SMAD9: variants seen among roughly 807,000 people sequenced by gnomAD.
SMAD9 encodes the protein MAD homolog 9.
A neutral mutation model predicts 46.1 loss-of-function variants in SMAD9; 36 were observed. The observed-to-expected ratio is 0.78, with a 90% CI of 0.60 to 1.03. The LOEUF is 1.03. SMAD9 is among the 50% of genes least tolerant of loss of function. The pLI is 0.00. For synonymous variants in SMAD9, 245 were observed against 237.1 expected (o/e 1.03, Z -0.31); for missense variants, 572 against 599.8 (o/e 0.95, Z 0.48).
chr13:36,904,487 C>T (rs1223336141), intron 1 of SMAD9, among the ~76,000 whole-genome samples: 5 of 152,212 alleles, frequency 3.3e-5, no homozygotes, highest in Admixed American at 1.3e-4. Context: ...CCCTGGACGG[C>T]AGTGACAGTC....
chr13:36,916,200 T>TG (rs2058697489), intron 1 of SMAD9, among the ~76,000 whole-genome samples: 1 of 152,042 alleles, frequency 6.6e-6, no homozygotes, highest in Non-Finnish European at 1.5e-5. Flanking sequence ...GCGGCTATGG[T>TG]GGGGGGAGGA....
chr13:36,879,752 G>T lies in SMAD9; in HGVS notation c.-63C>A. 1.3e-6 allele frequency: 2 copies of T among 1,589,394 alleles called. No individual in the cohort carries two copies. The highest frequency in any genetic ancestry group is 1.1e-5 in the South Asian group (1 of 90,352). On this transcript the variant is annotated 5_prime_UTR_variant, in exon 2 of 7. Coordinates refer to ENST00000379826, the MANE Select transcript of SMAD9 (RefSeq NM_001127217.3). Reference sequence around the variant, plus strand: ...CACAGCCCTTCACGGCAAAGTGGGCGGCGAGTAGCTCTCCAGGGGTGGCAT... The same window carrying T: ...CACAGCCCTTCACGGCAAAGTGGGCTGCGAGTAGCTCTCCAGGGGTGGCAT...
intron 1 of SMAD9, among the ~76,000 whole-genome samples, chr13:36,901,679 C>T (rs889352049): frequency 1.3e-5 from 2 of 152,168 alleles, no homozygotes; most frequent in African/African-American, 2.4e-5. Flanking sequence ...CTCCCTGCCT[C>T]GGCCTCCCAA....
At chr13:36,913,622 TGTC>T (rs1279986352) in intron 1 of SMAD9, among the ~76,000 whole-genome samples, 1 of 152,186 alleles carries the variant, frequency 6.6e-6, no homozygotes, top group Non-Finnish European at 1.5e-5. Flanking sequence ...AATACCAACT[TGTC>T]ATTATTTGCA....
intron 5 of SMAD9, among the ~76,000 whole-genome samples, chr13:36,857,391 C>T (rs892484105): frequency 1.3e-5 from 2 of 152,158 alleles, no homozygotes; most frequent in African/African-American, 2.4e-5. Flanking sequence ...CAATGCAGCC[C>T]TCAAGCAAGT....
At chr13:36,889,041 G>A (rs193253080) in intron 1 of SMAD9, among the ~76,000 whole-genome samples, 138 of 152,292 alleles carry the variant, frequency 9.1e-4, no homozygotes, top group African/African-American at 3.0e-3. Context: ...AAATTGAGAA[G>A]AGGACTGCAG....
chr13:36,874,555 G>C (rs1338920866), intron 2 of SMAD9, among the ~76,000 whole-genome samples: 1 of 152,084 alleles, frequency 6.6e-6, no homozygotes, highest in Non-Finnish European at 1.5e-5. Flanking sequence ...GAAGGAAGAA[G>C]ATGAAAACAT....
intron 2 of SMAD9, among the ~76,000 whole-genome samples, chr13:36,877,477 A>G (rs2058356421): frequency 6.6e-6 from 1 of 151,602 alleles, no homozygotes; most frequent in Admixed American, 6.6e-5. Flanking sequence ...AAATTTTACA[A>G]CTACATTATT....
At chr13:36,870,755 CAGTA>C (rs992209519) in intron 3 of SMAD9, among the ~76,000 whole-genome samples, 6 of 137,648 alleles carry the variant, frequency 4.4e-5, no homozygotes, top group Admixed American at 4.3e-4. Context: ...AAATTAAACA[CAGTA>C]AGAGATTAGG....
At chr13:36,907,003 G>A (rs1189438803) in intron 1 of SMAD9, among the ~76,000 whole-genome samples, 2 of 138,714 alleles carry the variant, frequency 1.4e-5, no homozygotes, top group Non-Finnish European at 3.0e-5. Context: ...ATCAACAAAT[G>A]AATGAATGAA....
Position 36,901,431 on chromosome 13 carries a change from C to CT in SMAD9, c.-187+18684dup, listed in dbSNP as rs61512254. On this transcript the variant is annotated intron_variant, in intron 1 of 6. Coordinates refer to ENST00000379826, the MANE Select transcript of SMAD9 (RefSeq NM_001127217.3). ...TTGGCTTCTTTTTTGTTTTTTGGGC[C>CT]TTTTTTTTTTTTTTGAGACAGAGTC... Among the ~76,000 whole-genome samples, 566 of 138,824 alleles carry CT rather than the reference C, an allele frequency of 4.1e-3. 6 individuals carry two copies. Among genetic ancestry groups the CT allele is most frequent in the African/African-American group, 9.5e-3 (362 of 38,214 alleles). The allele number at this position is 138,824 out of a possible 152,430, so 91.1% of individuals were successfully genotyped here.
chr13:36,863,459 GCTT>G (rs915029534), intron 5 of SMAD9, among the ~76,000 whole-genome samples: 2 of 152,196 alleles, frequency 1.3e-5, no homozygotes, highest in Non-Finnish European at 2.9e-5. Context: ...TGCTCATGTG[GCTT>G]CTTAACCCTA....
chr13:36,865,895 T>A (rs1285555421), intron 4 of SMAD9, 137 bp from the exon 5 acceptor site: 2 of 721,820 alleles, frequency 2.8e-6, no homozygotes, highest in Non-Finnish European at 4.8e-6. Flanking sequence ...TCTGCAATCT[T>A]TTAGAACCTG....
chr13:36,852,870 A>C (rs2058086132), intron 6 of SMAD9, among the ~76,000 whole-genome samples: 1 of 152,250 alleles, frequency 6.6e-6, no homozygotes, highest in African/African-American at 2.4e-5. Flanking sequence ...ATCTGCATTA[A>C]AAACAATCAA....
At chr13:36,878,465 A>G (rs1295390876) in intron 2 of SMAD9, among the ~76,000 whole-genome samples, 1 of 152,216 alleles carries the variant, frequency 6.6e-6, no homozygotes, top group Non-Finnish European at 1.5e-5. Flanking sequence ...TAGCAGGCTC[A>G]TGGTTTGTGT....
intron 1 of SMAD9, among the ~76,000 whole-genome samples, chr13:36,919,282 C>G (rs2058722468): frequency 6.6e-6 from 1 of 152,092 alleles, no homozygotes; most frequent in South Asian, 2.1e-4. Flanking sequence ...GTTCTCCCAG[C>G]GCTCCTCCTT....
At chr13:36,866,176 T>C (rs1276453519) in intron 4 of SMAD9, among the ~76,000 whole-genome samples, 2 of 152,152 alleles carry the variant, frequency 1.3e-5, no homozygotes, top group East Asian at 3.9e-4. Flanking sequence ...ACTTGAATCC[T>C]TGTGGCAAAA....
intron 5 of SMAD9, among the ~76,000 whole-genome samples, chr13:36,859,367 T>C (rs1042850670): frequency 2.0e-5 from 3 of 152,112 alleles, no homozygotes; most frequent in African/African-American, 4.8e-5. Context: ...CTGGGTAAAA[T>C]AAGGCTAAGA....
At position 36,845,179 on chromosome 13, in the gene SMAD9, C is replaced by G. The variant is rs1022611160; in HGVS notation, c.*3497G>C. On this transcript the variant is annotated 3_prime_UTR_variant, in exon 7 of 7. Transcript: ENST00000379826. ...ACAAAGTTAAGCAGGTGCTTACAGTCTATCAAGTGATATTTATGAAATGTT... is the reference window on the plus strand; with the variant it reads ...ACAAAGTTAAGCAGGTGCTTACAGTGTATCAAGTGATATTTATGAAATGTT... The G allele has an allele frequency of 3.3e-5, 5 of 151,814 alleles. No homozygotes were observed. The highest frequency in any genetic ancestry group is 7.4e-5 in the Non-Finnish European group (5 of 67,974). 9.4% of individuals were successfully genotyped at this position (151,814 alleles called of 1,614,324 possible). A position where few individuals can be genotyped will look rare whatever the true frequency, so the allele number is the denominator to read the frequency against.
Sources: gnomAD v4.1 joint callset for allele counts (sites outside exome capture counted in the v4.1 genomes callset) on GRCh38, gnomAD v4.1.1 for gene constraint, MANE v1.5 for transcripts, NCBI Gene and HGNC (gene_info 2026-07-23, HGNC 2026-07-21) for gene names.